CUL2: variants seen among roughly 807,000 people sequenced by gnomAD.
CUL2 encodes cullin 2.
CUL2 carries 22 observed loss-of-function variants against 110.2 expected under a neutral mutation model. The observed-to-expected ratio is 0.20, with a 90% CI of 0.14 to 0.28. CUL2 has a LOEUF of 0.28. CUL2 is among the 10% of genes least tolerant of loss of function. The pLI, the probability that CUL2 is intolerant of heterozygous loss-of-function variation, is 1.00. For synonymous variants in CUL2, 279 were observed against 293.2 expected (o/e 0.95, Z 0.49); for missense variants, 631 against 905.5 (o/e 0.70, Z 3.89).
At chr10:35,044,472 C>T in intron 8 of CUL2, 94 bp downstream of exon 8, 1 of 717,348 alleles carries the variant, frequency 1.4e-6, no homozygotes, top group Middle Eastern at 4.1e-4. Context: ...TATTTTTCCA[C>T]CAAGAAACAA....
At chr10:35,102,101 G>A (rs758752521) in intron 1 of CUL2, among the ~76,000 whole-genome samples, 5 of 151,778 alleles carry the variant, frequency 3.3e-5, no homozygotes, top group Admixed American at 6.6e-5. Context: ...TTAGCCAAGC[G>A]TGGTGGCACA....
At chr10:35,042,155 G>GT (rs1283660668) in intron 8 of CUL2, among the ~76,000 whole-genome samples, 1 of 152,022 alleles carries the variant, frequency 6.6e-6, no homozygotes, top group African/African-American at 2.4e-5. Flanking sequence ...TAACCATTAA[G>GT]TAACAACTCC....
At chr10:35,060,518 T>C (rs1188725847) in intron 4 of CUL2, among the ~76,000 whole-genome samples, 1 of 152,148 alleles carries the variant, frequency 6.6e-6, no homozygotes, top group African/African-American at 2.4e-5. Flanking sequence ...AATAAGAACA[T>C]ATCGAGGGGA....
chr10:35,072,876 A>G (rs2086716948), intron 1 of CUL2, among the ~76,000 whole-genome samples: 1 of 152,182 alleles, frequency 6.6e-6, no homozygotes, highest in African/African-American at 2.4e-5. Context: ...ACACCAACCT[A>G]GTCTGTAGCC....
At chr10:35,099,384 C>T (rs1014278045) in intron 2 of CUL2, 3 of 142,518 alleles carry the variant, frequency 2.1e-5, no homozygotes, top group African/African-American at 8.0e-5. Flanking sequence ...AGTGAGACTC[C>T]GTCTAAAAAA....
intron 9 of CUL2, among the ~76,000 whole-genome samples, chr10:35,037,047 T>A (rs1352962591): frequency 6.6e-6 from 1 of 152,226 alleles, no homozygotes; most frequent in African/African-American, 2.4e-5. Flanking sequence ...GATCAATCGT[T>A]CCTTTGTGGT....
At chr10:35,068,765 T>C (rs1000812944) in intron 2 of CUL2, among the ~76,000 whole-genome samples, 1 of 152,232 alleles carries the variant, frequency 6.6e-6, no homozygotes, top group African/African-American at 2.4e-5. Flanking sequence ...CCCTTAAAAT[T>C]TCCACTTAAG....
At chr10:35,085,350 G>A (rs1040958292) in intron 1 of CUL2, among the ~76,000 whole-genome samples, 1 of 149,898 alleles carries the variant, frequency 6.7e-6, no homozygotes, top group East Asian at 2.0e-4. Context: ...GAATGGCGTA[G>A]ACCCAGGAGG....
intron 4 of CUL2, among the ~76,000 whole-genome samples, chr10:35,058,311 G>C (rs774510492): frequency 6.6e-6 from 1 of 152,120 alleles, no homozygotes; most frequent in Non-Finnish European, 1.5e-5. Flanking sequence ...ACTCTTACAA[G>C]TTTGTGTCGA....
chr10:35,040,165 A>G (rs1006498479), intron 8 of CUL2, among the ~76,000 whole-genome samples: 7 of 152,182 alleles, frequency 4.6e-5, no homozygotes, highest in African/African-American at 1.7e-4. Flanking sequence ...AAAAATAAAT[A>G]TAAATAAAAA....
intron 17 of CUL2, among the ~76,000 whole-genome samples, chr10:35,021,501 T>C (rs1052390406): frequency 6.6e-6 from 1 of 150,984 alleles, no homozygotes; most frequent in Non-Finnish European, 1.5e-5. Context: ...ATATAGATGA[T>C]ATTTCCATAA....
intron 6 of CUL2, among the ~76,000 whole-genome samples, chr10:35,045,947 G>A (rs1228816582): frequency 6.6e-6 from 1 of 152,120 alleles, no homozygotes; most frequent in Non-Finnish European, 1.5e-5. Context: ...TCATTCCCTA[G>A]TAAGAGCTTG....
chr10:35,038,857 C>CTAGA (rs2085702185), intron 9 of CUL2, 63 bp downstream of exon 9: 1 of 1,098,120 alleles, frequency 9.1e-7, no homozygotes, highest in East Asian at 2.6e-5. Flanking sequence ...TCAAGGGTGA[C>CTAGA]TAGAGGATGA....
At chr10:35,015,092 C>A (rs945776358) in intron 18 of CUL2, among the ~76,000 whole-genome samples, 1 of 151,850 alleles carries the variant, frequency 6.6e-6, no homozygotes, top group Admixed American at 6.6e-5. Flanking sequence ...CGAGACCAGC[C>A]TGACCAGCCT....
At chr10:35,061,632 A>G (rs1428699088) in intron 3 of CUL2, among the ~76,000 whole-genome samples, 1 of 152,214 alleles carries the variant, frequency 6.6e-6, no homozygotes, top group Non-Finnish European at 1.5e-5. Context: ...CACACTTGCT[A>G]TCAAAAGCAC....
At chr10:35,091,921 T>A (rs2087212745), upstream of CUL2, among the ~76,000 whole-genome samples, 1 of 151,586 alleles carries the variant, frequency 6.6e-6, no homozygotes, top group Non-Finnish European at 1.5e-5. Flanking sequence ...AGCCACCGTG[T>A]CAGGCCCCCC....
intron 2 of CUL2, among the ~76,000 whole-genome samples, chr10:35,098,952 A>G (rs2087338416): frequency 6.6e-6 from 1 of 152,080 alleles, no homozygotes; most frequent in Non-Finnish European, 1.5e-5. Flanking sequence ...TAAATTAAAT[A>G]AGTAATATAG....
Position 35,044,051 on chromosome 10 carries a change from C to CG in CUL2, c.714+514_714+515insC, listed in dbSNP as rs1182789208. Among the ~76,000 whole-genome samples, 6 of 87,794 alleles carry CG rather than the reference C, an allele frequency of 6.8e-5. No homozygotes were observed. In the South Asian group the frequency reaches 1.5e-3, roughly 22 times the overall value. 57.6% of individuals were successfully genotyped at this position (87,794 alleles called of 152,430 possible). On this transcript the variant is annotated intron_variant, in intron 8 of 20. Coordinates refer to ENST00000374749, the MANE Select transcript of CUL2 (RefSeq NM_003591.4). Reference sequence around the variant, plus strand: ...GGGCACCAGAGCAAGACCACATCTCCAAAAAAAAAAAAAAAAAAAAAAAAC... The same window carrying CG: ...GGGCACCAGAGCAAGACCACATCTCCGAAAAAAAAAAAAAAAAAAAAAAAAC...
intron 1 of CUL2, among the ~76,000 whole-genome samples, chr10:35,110,892 G>T (rs906297491): frequency 6.6e-6 from 1 of 152,154 alleles, no homozygotes; most frequent in African/African-American, 2.4e-5. Flanking sequence ...AGGTACTAGA[G>T]GTTGAGACTT....
Sources: allele counts gnomAD v4.1 joint callset (sites outside exome capture counted in the v4.1 genomes callset), GRCh38; gene constraint gnomAD v4.1.1; transcripts MANE v1.5; gene names NCBI Gene and HGNC (gene_info 2026-07-23, HGNC 2026-07-21).